PPARGC1A: variants seen among roughly 807,000 people sequenced by gnomAD.
PPARGC1A encodes PPARG coactivator 1 alpha.
A neutral mutation model predicts 88.7 loss-of-function variants in PPARGC1A; 25 were observed. The ratio of observed to expected loss-of-function variants is 0.28; its 90% CI spans 0.21 to 0.39. The LOEUF (loss-of-function observed/expected upper bound fraction) is 0.39. Ranked by LOEUF, PPARGC1A falls within the 10% of genes least tolerant of loss-of-function variation. The probability of loss-of-function intolerance (pLI) is 1.00; values close to 1 mark genes in which losing one functional copy is unlikely to be tolerated. For synonymous variants in PPARGC1A, 363 were observed against 355.6 expected (o/e 1.02, Z -0.24); for missense variants, 880 against 968.7 (o/e 0.91, Z 1.22).
intron 12 of PPARGC1A, among the ~76,000 whole-genome samples, chr4:23,798,588 TA>T (rs1343947403): frequency 7.9e-5 from 12 of 152,208 alleles, no homozygotes; most frequent in Admixed American, 5.9e-4. Context: ...ATGTGTCATT[TA>T]TTTTTTTAAA....
chr4:24,146,120 T>G, the PPARGC1A span, among the ~76,000 whole-genome samples: 1 of 152,198 alleles, frequency 6.6e-6, no homozygotes, highest in Non-Finnish European at 1.5e-5. Flanking sequence ...CTTCTGAACC[T>G]CCAAGATGAG....
chr4:23,937,623 C>T, the PPARGC1A span, among the ~76,000 whole-genome samples: 2 of 152,068 alleles, frequency 1.3e-5, no homozygotes, highest in South Asian at 4.1e-4. Flanking sequence ...AAATTTCTGC[C>T]TATCCTCAAC....
chr4:24,120,735 C>T, the PPARGC1A span, among the ~76,000 whole-genome samples: 46 of 152,200 alleles, frequency 3.0e-4, no homozygotes, highest in African/African-American at 1.1e-3. Context: ...TAAAAGAGGC[C>T]ATGGAGACCC....
the PPARGC1A span, among the ~76,000 whole-genome samples, chr4:24,288,085 A>T: frequency 6.6e-6 from 1 of 151,976 alleles, no homozygotes; most frequent in African/African-American, 2.4e-5. Context: ...TTCCCTCAAC[A>T]TCTATATTCA....
In PPARGC1A at chr4:23,795,829, C is replaced by T. The variant is rs200187877; in HGVS notation, c.2390G>A (p.Arg797His). 5.6e-6 allele frequency: 9 copies of T among 1,609,436 alleles called. No individual in the cohort carries two copies. Among genetic ancestry groups the T allele is most frequent in the Admixed American group, 1.7e-5 (1 of 59,214 alleles). Reference protein sequence around the residue: ...SLLKEAQRSLRR With the variant: ...SLLKEAQRSLHR ...CCTCAGCTAGGGAACATGTTACCTGCGCAAGCTTCTCTGAGCTTCTTTCAG... is the reference window on the plus strand; with the variant it reads ...CCTCAGCTAGGGAACATGTTACCTGTGCAAGCTTCTCTGAGCTTCTTTCAG... Residue 797 changes from arginine (R) to histidine (H), a missense_variant, in exon 13 of 13, where the codon CGC becomes CAC. Physicochemically the swap from Arg to His is conservative, Grantham distance 29 (BLOSUM62 0). Transcript: ENST00000264867.
At chr4:24,123,082 G>A in the PPARGC1A span, among the ~76,000 whole-genome samples, 2 of 152,100 alleles carry the variant, frequency 1.3e-5, no homozygotes, top group Middle Eastern at 3.2e-3. Context: ...AGAGGCTGAC[G>A]GTAGGTCCCC....
chr4:24,008,633 A>C, the PPARGC1A span, among the ~76,000 whole-genome samples: 1 of 152,284 alleles, frequency 6.6e-6, no homozygotes, highest in Middle Eastern at 3.4e-3. Flanking sequence ...AGTAACTGCT[A>C]TCTCTAACTG....
At chr4:23,826,417 A>G (rs989084981) in intron 5 of PPARGC1A, among the ~76,000 whole-genome samples, 7 of 152,296 alleles carry the variant, frequency 4.6e-5, no homozygotes, top group Admixed American at 4.6e-4. Context: ...GCATGAATAA[A>G]TGAACAAATA....
chr4:24,307,875 G>A, the PPARGC1A span, among the ~76,000 whole-genome samples: 638 of 152,190 alleles, frequency 4.2e-3, 2 homozygotes, highest in Middle Eastern at 0.01. Context: ...TATTCTTTCC[G>A]TCACCCTTTG....
chr4:24,437,021 C>T, the PPARGC1A span, among the ~76,000 whole-genome samples: 1 of 152,254 alleles, frequency 6.6e-6, no homozygotes, highest in Non-Finnish European at 1.5e-5. Context: ...TCTTTGCCAA[C>T]ATGTGATCGT....
At chr4:23,991,179 T>C in the PPARGC1A span, among the ~76,000 whole-genome samples, 62 of 151,968 alleles carry the variant, frequency 4.1e-4, 1 homozygote, top group African/African-American at 1.5e-3. Flanking sequence ...TGATAGCAAT[T>C]CCTCCATAGA....
the PPARGC1A span, among the ~76,000 whole-genome samples, chr4:24,465,813 T>A: frequency 6.6e-6 from 1 of 152,186 alleles, no homozygotes; most frequent in Admixed American, 6.5e-5. Flanking sequence ...CATGATTCAG[T>A]ACAGAAGATA....
At position 23,814,619 on chromosome 4, in the gene PPARGC1A, TAAAAAAA is replaced by T; in HGVS notation, c.878-21_878-15del. The T allele has an allele frequency of 8.5e-7, 1 of 1,180,960 alleles. No homozygotes were observed. Among genetic ancestry groups the T allele is most frequent in the Non-Finnish European group, 1.1e-6 (1 of 895,034 alleles). 73.2% of individuals were successfully genotyped at this position (1,180,960 alleles called of 1,614,324 possible). A position where few individuals can be genotyped will look rare whatever the true frequency, so the allele number is the denominator to read the frequency against. Reference sequence around the variant, plus strand: ...GTGGAGTTAGGCCTAAGGCAAAAATTAAAAAAAAAAAAAAAAAGAGAGAGAAAGAAAA... The same window carrying T: ...GTGGAGTTAGGCCTAAGGCAAAAATTAAAAAAAAAAGAGAGAGAAAGAAAA... On this transcript the variant is annotated splice_polypyrimidine_tract_variant and intron_variant, in intron 7 of 12. Transcript: ENST00000264867.
the PPARGC1A span, among the ~76,000 whole-genome samples, chr4:23,982,214 A>G: frequency 6.7e-6 from 1 of 149,924 alleles, no homozygotes; most frequent in Non-Finnish European, 1.5e-5. Context: ...GATCTTCAAA[A>G]TAATAGTAGT....
the PPARGC1A span, among the ~76,000 whole-genome samples, chr4:24,098,292 A>G: frequency 6.6e-6 from 1 of 152,180 alleles, no homozygotes; most frequent in Non-Finnish European, 1.5e-5. Context: ...GTGGATCCAT[A>G]TTTAGAGAAA....
At chr4:24,052,498 A>G in the PPARGC1A span, among the ~76,000 whole-genome samples, 3 of 152,054 alleles carry the variant, frequency 2.0e-5, no homozygotes, top group Non-Finnish European at 4.4e-5. Context: ...TTAGCTGGGC[A>G]TGGTGGTGCA....
At chr4:23,829,611 A>G in intron 3 of PPARGC1A, 26 bp from the exon 4 acceptor site, 1 of 1,601,462 alleles carries the variant, frequency 6.2e-7, no homozygotes, top group Non-Finnish European at 8.5e-7. Context: ...GGGAAAGGGA[A>G]AAGCAAGTAA....
the PPARGC1A span, among the ~76,000 whole-genome samples, chr4:24,439,690 G>T: frequency 3.3e-5 from 5 of 152,190 alleles, no homozygotes; most frequent in African/African-American, 1.2e-4. Context: ...TCAACAGTAG[G>T]CATAGGGATT....
the PPARGC1A span, among the ~76,000 whole-genome samples, chr4:24,129,531 A>C: frequency 6.6e-6 from 1 of 152,160 alleles, no homozygotes; most frequent in East Asian, 1.9e-4. Context: ...CTAGTTTAAT[A>C]ACAATAAAAA....
Sources: gnomAD v4.1 joint callset for allele counts (sites outside exome capture counted in the v4.1 genomes callset) on GRCh38, gnomAD v4.1.1 for gene constraint, MANE v1.5 for transcripts, NCBI Gene and HGNC (gene_info 2026-07-23, HGNC 2026-07-21) for gene names.